Variants in CCDC8 observed in about 807,000 individuals in gnomAD.
CCDC8 encodes coiled-coil domain-containing protein 8.
CCDC8 carries 6 observed loss-of-function variants against 5.2 expected under a neutral mutation model. The observed-to-expected ratio is 1.16, with a 90% CI of 0.63 to 2.28. The LOEUF is 2.28. Among genes scored for constraint, CCDC8 ranks in the 30% most tolerant of loss-of-function variants. The pLI, the probability that CCDC8 is intolerant of heterozygous loss-of-function variation, is 0.00. For synonymous variants in CCDC8, 310 were observed against 286.5 expected (o/e 1.08, Z -0.83); for missense variants, 724 against 712.2 (o/e 1.02, Z -0.19).
rs912229744 is a variant in CCDC8, at chr19:46,411,938, G to A, written c.873C>T (p.Ile291=). The change falls in exon 1 of 1, where the codon ATC becomes ATT. Residue 291 remains isoleucine, a synonymous_variant. Coordinates refer to ENST00000307522, the MANE Select transcript of CCDC8 (RefSeq NM_032040.5). ...CAGCCTCTCCCCCCTGATCAGCCTC[G>A]ATGTCTGCCCCCTGACCTGTGGGTG... ...QTAPTGQGAD[I]EADQGGEAAD... 3 of 1,610,934 alleles carry A rather than the reference G, an allele frequency of 1.9e-6. No individual in the cohort carries two copies. The African/African-American group carries it at 4.0e-5, about 21-fold the overall frequency.
Position 46,413,437 on chromosome 19 carries a change from G to C in CCDC8, c.-627C>G, listed in dbSNP as rs978841256. ...CGGTCCAGTCGAAGCTATTCAATAT[G>C]GCCGAGGCGCTGGGAGGCCCCAGCC... On this transcript the variant is annotated 5_prime_UTR_variant, in exon 1 of 1. Transcript: ENST00000307522. 1 of 167,366 alleles carries C rather than the reference G, an allele frequency of 6.0e-6. No individual in the cohort carries two copies. Among genetic ancestry groups the C allele is most frequent in the African/African-American group, 2.4e-5 (1 of 41,420 alleles). The allele number at this position is 167,366 out of a possible 1,614,324, so 10.4% of individuals were successfully genotyped here. A position where few individuals can be genotyped will look rare whatever the true frequency, so the allele number is the denominator to read the frequency against.
chr19:46,412,449 G>A lies in CCDC8; in HGVS notation c.362C>T (p.Pro121Leu). Residue 121 changes from proline to leucine, a missense_variant, in exon 1 of 1, where the codon CCG becomes CTG. Coordinates refer to ENST00000307522, the MANE Select transcript of CCDC8 (RefSeq NM_032040.5). This position sits in a 1 kb window ranked among gnomAD's most constrained non-coding sequence, Gnocchi z 4.7. ...TTTGCGCACCTTCTTGCCCCGCCGC[G>A]GGCCCTGGCGGCTCTTGTCTCTGGA... is the stretch of plus-strand genomic sequence containing the variant. ...ETSRDKSRQG[P>L]RRGKKVRKMP... The A allele has an allele frequency of 1.9e-6, 3 of 1,611,514 alleles. No individual in the cohort carries two copies. In the South Asian group the frequency reaches 3.3e-5, roughly 18 times the overall value.
At position 46,412,476 on chromosome 19, in the gene CCDC8, G is replaced by A. The variant is rs751418638; in HGVS notation, c.335C>T (p.Thr112Ile). Reference protein sequence around the residue: ...ASDSEFSDFETSRDKSRQGPR... With the variant: ...ASDSEFSDFEISRDKSRQGPR... Reference sequence around the variant, plus strand: ...GCCCTGGCGGCTCTTGTCTCTGGAGGTCTCGAAGTCGCTGAACTCGCTGTC... The same window carrying A: ...GCCCTGGCGGCTCTTGTCTCTGGAGATCTCGAAGTCGCTGAACTCGCTGTC... Residue 112 changes from threonine (T) to isoleucine (I), a missense_variant, in exon 1 of 1, where the codon ACC (threonine) becomes ATC (isoleucine). Physicochemically the swap from Thr to Ile is moderately conservative, Grantham distance 89. Transcript: ENST00000307522. This position sits in a 1 kb window ranked among gnomAD's most constrained non-coding sequence, Gnocchi z 4.7. 1.2e-6 allele frequency: 2 copies of A among 1,609,444 alleles called. No homozygotes were observed. The highest frequency in any genetic ancestry group is 1.7e-6 in the Non-Finnish European group (2 of 1,179,966).
In CCDC8 at chr19:46,410,602, G is replaced by C. The variant is rs536884026; in HGVS notation, c.*592C>G. Reference sequence around the variant, plus strand: ...CGTCAGTTGTCAAGTCCAAAGCTAAGAAATCAGTTCATAAATGTTTTTTGA... The same window carrying C: ...CGTCAGTTGTCAAGTCCAAAGCTAACAAATCAGTTCATAAATGTTTTTTGA... On this transcript the variant is annotated 3_prime_UTR_variant, in exon 1 of 1. Transcript: ENST00000307522. The C allele has an allele frequency of 9.2e-5, 14 of 152,726 alleles. No individual in the cohort carries two copies. Among genetic ancestry groups the C allele is most frequent in the African/African-American group, 3.4e-4 (14 of 41,094 alleles). The allele number at this position is 152,726 out of a possible 1,614,324, so 9.5% of individuals were successfully genotyped here.
Position 46,411,260 on chromosome 19 carries a change from G to A in CCDC8, c.1551C>T (p.Asn517=), listed in dbSNP as rs1475407998. ...TGGCCTCGGCCCTCAGCACCCTGAGGTTCCTGGCCTCTCCTGCCCTGGGGA... is the reference window on the plus strand; with the variant it reads ...TGGCCTCGGCCCTCAGCACCCTGAGATTCCTGGCCTCTCCTGCCCTGGGGA... ...KRVPRAGEAR[N]LRVLRAEARA... The change falls in exon 1 of 1, where the codon AAC becomes AAT. Residue 517 remains asparagine, a synonymous_variant. Transcript: ENST00000307522. 4 of 1,614,132 alleles carry A rather than the reference G, an allele frequency of 2.5e-6. No individual in the cohort carries two copies. The highest frequency in any genetic ancestry group is 1.3e-5 in the African/African-American group (1 of 75,040).
chr19:46,412,289 G>T lies in CCDC8; in HGVS notation c.522C>A (p.Asn174Lys). 1 of 1,607,906 alleles carries T rather than the reference G, an allele frequency of 6.2e-7. No individual in the cohort carries two copies. The stretch of plus-strand genomic sequence containing the variant: ...TGTCCTCAAACATGGGCACTGGCAG[G>T]TTGACGCGGCGGCGGGCAGGCGGCG... ...PSAPPARRRV[N>K]LPVPMFEDNL... Residue 174 changes from asparagine (N) to lysine (K), a missense_variant, in exon 1 of 1, where the codon AAC (asparagine) becomes AAA (lysine). Physicochemically the swap from Asn to Lys is moderately conservative, Grantham distance 94 (BLOSUM62 0). Transcript: ENST00000307522. The surrounding 1 kb of genome is among the most constrained non-coding windows in gnomAD (Gnocchi z 4.7).
At position 46,412,665 on chromosome 19, in the gene CCDC8, C is replaced by A; in HGVS notation, c.146G>T (p.Gly49Val). 1 of 1,610,136 alleles carries A rather than the reference C, an allele frequency of 6.2e-7. No individual in the cohort carries two copies. Residue 49 changes from glycine (G) to valine (V), a missense_variant, in exon 1 of 1, where the codon GGC (glycine) becomes GTC (valine). Gly to Val is a moderately radical substitution (Grantham distance 109). Transcript: ENST00000307522. The surrounding 1 kb of genome is among the most constrained non-coding windows in gnomAD (Gnocchi z 4.7). ...GCGGGCCACGTCCTCCAGGGTGCGG[C>A]CCTCTTCTTCCAGGAACTGGGTCAG... ...ERLTQFLEEEGRTLEDVARIM... is the reference protein window; with the variant it reads ...ERLTQFLEEEVRTLEDVARIM...
rs1452891377 is a variant in CCDC8 at position 46,412,405 on chromosome 19, C to T, written c.406G>A (p.Gly136Ser). ...AGGTCGCTTCCCAGGAACTTGCTGC[C>T]CAGGTAGCTGACGGGCATTTTGCGC... is the stretch of plus-strand genomic sequence containing the variant. Reference protein sequence around the residue: ...KVRKMPVSYLGSKFLGSDLES... With the variant: ...KVRKMPVSYLSSKFLGSDLES... The change falls in exon 1 of 1, where the codon GGC becomes AGC. Residue 136 changes from glycine (G) to serine (S), a missense_variant. Coordinates refer to ENST00000307522, the MANE Select transcript of CCDC8 (RefSeq NM_032040.5). This position sits in a 1 kb window ranked among gnomAD's most constrained non-coding sequence, Gnocchi z 4.7. The T allele has an allele frequency of 1.9e-6, 3 of 1,613,596 alleles. No homozygotes were observed. The South Asian group carries it at 3.3e-5, about 18-fold the overall frequency.
rs759415223 is a variant in CCDC8, at chr19:46,411,572, A to T, written c.1239T>A (p.His413Gln). ...VTDNQREEAV[H>Q]DQRERAPAVQ... ...CAGCTGGGGCCCTTTCCCTCTGGTCATGTACGGCCTCTTCCCTTTGATTAT... is the reference window on the plus strand; with the variant it reads ...CAGCTGGGGCCCTTTCCCTCTGGTCTTGTACGGCCTCTTCCCTTTGATTAT... Residue 413 changes from histidine to glutamine, a missense_variant, in exon 1 of 1, where the codon CAT (histidine) becomes CAA (glutamine). Transcript: ENST00000307522. 1 of 1,612,304 alleles carries T rather than the reference A, an allele frequency of 6.2e-7. No individual in the cohort carries two copies. The highest frequency in any genetic ancestry group is 2.2e-5 in the East Asian group (1 of 44,486).
Position 46,411,218 on chromosome 19 carries a change from C to G in CCDC8, c.1593G>C (p.Gln531His), listed in dbSNP as rs1973222849. The G allele has an allele frequency of 6.2e-7, 1 of 1,614,188 alleles. No homozygotes were observed. Among genetic ancestry groups the G allele is most frequent in the Non-Finnish European group, 8.5e-7 (1 of 1,180,040 alleles). Residue 531 changes from glutamine to histidine, a missense_variant, in exon 1 of 1, where the codon CAG (glutamine) becomes CAC (histidine). Coordinates refer to ENST00000307522, the MANE Select transcript of CCDC8 (RefSeq NM_032040.5). ...LRAEARAEAE[Q>H]GEQEDQL Reference sequence around the variant, plus strand: ...CTCACAGCTGGTCTTCTTGCTCTCCCTGCTCAGCTTCTGCTCTGGCCTCGG... The same window carrying G: ...CTCACAGCTGGTCTTCTTGCTCTCCGTGCTCAGCTTCTGCTCTGGCCTCGG...
Position 46,412,644 on chromosome 19 carries a change from GCCACGTC to G in CCDC8, c.160_166del (p.Asp54ProfsTer23). Reference sequence around the variant, plus strand: ...CGGGGTGCTCTTCTCCATGATGCGGGCCACGTCCTCCAGGGTGCGGCCCTCTTCTTCC... The same window carrying G: ...CGGGGTGCTCTTCTCCATGATGCGGGCTCCAGGGTGCGGCCCTCTTCTTCC... On this transcript the variant is annotated frameshift_variant, in exon 1 of 1. Coordinates refer to ENST00000307522, the MANE Select transcript of CCDC8 (RefSeq NM_032040.5). LOFTEE classifies it low-confidence loss of function (END_TRUNC). This position sits in a 1 kb window ranked among gnomAD's most constrained non-coding sequence, Gnocchi z 4.7. The G allele has an allele frequency of 1.9e-6, 3 of 1,606,628 alleles. No individual in the cohort carries two copies. Among genetic ancestry groups the G allele is most frequent in the Non-Finnish European group, 2.5e-6 (3 of 1,177,870 alleles).
Position 46,412,581 on chromosome 19 carries a change from C to G in CCDC8, c.230G>C (p.Arg77Pro). The change falls in exon 1 of 1, where the codon CGA (arginine) becomes CCA (proline). Residue 77 changes from arginine to proline, a missense_variant. Transcript: ENST00000307522. The surrounding 1 kb of genome is among the most constrained non-coding windows in gnomAD (Gnocchi z 4.7). ...PQPPKKPKEP[R>P]VRRRVQQMVT... is the part of the protein sequence containing the mutation. ...CATCTGCTGCACTCTCCTCCTCACT[C>G]GGGGCTCCTTGGGCTTTTTGGGGGG... 1 of 1,577,484 alleles carries G rather than the reference C, an allele frequency of 6.3e-7. No individual in the cohort carries two copies.
chr19:46,410,997 G>A lies in CCDC8; in HGVS notation c.*197C>T. The A allele has an allele frequency of 1.6e-6, 1 of 639,934 alleles. No individual in the cohort carries two copies. The highest frequency in any genetic ancestry group is 2.6e-6 in the Non-Finnish European group (1 of 378,324). 39.6% of individuals were successfully genotyped at this position (639,934 alleles called of 1,614,324 possible). A position where few individuals can be genotyped will look rare whatever the true frequency, so the allele number is the denominator to read the frequency against. On this transcript the variant is annotated 3_prime_UTR_variant, in exon 1 of 1. Coordinates refer to ENST00000307522, the MANE Select transcript of CCDC8 (RefSeq NM_032040.5). ...TGATCATGCCACTGCACTCCAGCCT[G>A]GGCAACAGAGTGAGACCCTGTCTCT...
rs768054103 is a variant in CCDC8, at chr19:46,411,933, G to A, written c.878C>T (p.Ala293Val). Residue 293 changes from alanine to valine, a missense_variant, in exon 1 of 1, where the codon GCT (alanine) becomes GTT (valine). Transcript: ENST00000307522. ...ATCTGCAGCCTCTCCCCCCTGATCA[G>A]CCTCGATGTCTGCCCCCTGACCTGT... ...APTGQGADIE[A>V]DQGGEAADSQ... The A allele has an allele frequency of 8.1e-6, 13 of 1,611,416 alleles. No individual in the cohort carries two copies. The highest frequency in any genetic ancestry group is 1.0e-5 in the Non-Finnish European group (12 of 1,179,080).
chr19:46,412,417 C>T lies in CCDC8; in HGVS notation c.394G>A (p.Val132Ile), dbSNP rs1973245068. The T allele has an allele frequency of 2.5e-6, 4 of 1,613,254 alleles. No individual in the cohort carries two copies. The highest frequency in any genetic ancestry group is 2.5e-6 in the Non-Finnish European group (3 of 1,179,988). The change falls in exon 1 of 1, where the codon GTC becomes ATC. Residue 132 changes from valine (V) to isoleucine (I), a missense_variant. Physicochemically the swap from Val to Ile is conservative, Grantham distance 29 (BLOSUM62 3). Coordinates refer to ENST00000307522, the MANE Select transcript of CCDC8 (RefSeq NM_032040.5). The surrounding 1 kb of genome is among the most constrained non-coding windows in gnomAD (Gnocchi z 4.7). Reference sequence around the variant, plus strand: ...AGGAACTTGCTGCCCAGGTAGCTGACGGGCATTTTGCGCACCTTCTTGCCC... The same window carrying T: ...AGGAACTTGCTGCCCAGGTAGCTGATGGGCATTTTGCGCACCTTCTTGCCC... ...RRGKKVRKMP[V>I]SYLGSKFLGS...
Position 46,412,347 on chromosome 19 carries a change from G to T in CCDC8, c.464C>A (p.Ala155Asp). 6.2e-7 allele frequency: 1 copy of T among 1,613,356 alleles called. No homozygotes were observed. ...CTGCTTCTCCTGTCGCCGGAGGAAGGCCTCGACCAGTTCCTCATCATCCTC... is the reference window on the plus strand; with the variant it reads ...CTGCTTCTCCTGTCGCCGGAGGAAGTCCTCGACCAGTTCCTCATCATCCTC... ...ESEDDEELVEAFLRRQEKQPS... is the reference protein window; with the variant it reads ...ESEDDEELVEDFLRRQEKQPS... The change falls in exon 1 of 1, where the codon GCC becomes GAC. Residue 155 changes from alanine (A) to aspartate (D), a missense_variant. Physicochemically the swap from Ala to Asp is moderately radical, Grantham distance 126. Coordinates refer to ENST00000307522, the MANE Select transcript of CCDC8 (RefSeq NM_032040.5). The surrounding 1 kb of genome is among the most constrained non-coding windows in gnomAD (Gnocchi z 4.7).
In CCDC8 at chr19:46,411,887, T is replaced by G; in HGVS notation, c.924A>C (p.Ile308=). The change falls in exon 1 of 1, where the codon ATA becomes ATC. Residue 308 remains isoleucine (I), a synonymous_variant. Coordinates refer to ENST00000307522, the MANE Select transcript of CCDC8 (RefSeq NM_032040.5). ...CTGCAGCCCCTTCCCGCTGGTCAGCTATGGCCTCTTCCCTTTGACTATCTG... is the reference window on the plus strand; with the variant it reads ...CTGCAGCCCCTTCCCGCTGGTCAGCGATGGCCTCTTCCCTTTGACTATCTG... The part of the protein sequence containing the change: ...EAADSQREEA[I]ADQREGAAGN... The G allele has an allele frequency of 6.2e-7, 1 of 1,613,976 alleles. No homozygotes were observed. Among genetic ancestry groups the G allele is most frequent in the Non-Finnish European group, 8.5e-7 (1 of 1,179,898 alleles).
rs1973252762 is a variant in CCDC8 at position 46,412,898 on chromosome 19, C to T, written c.-88G>A. The T allele has an allele frequency of 6.6e-7, 1 of 1,522,694 alleles. No individual in the cohort carries two copies. The highest frequency in any genetic ancestry group is 9.0e-7 in the Non-Finnish European group (1 of 1,115,166). 94.3% of individuals were successfully genotyped at this position (1,522,694 alleles called of 1,614,324 possible). A position where few individuals can be genotyped will look rare whatever the true frequency, so the allele number is the denominator to read the frequency against. On this transcript the variant is annotated 5_prime_UTR_variant, in exon 1 of 1. The change creates a premature stop within an existing upstream ORF in the 5' untranslated region. Coordinates refer to ENST00000307522, the MANE Select transcript of CCDC8 (RefSeq NM_032040.5). This position sits in a 1 kb window ranked among gnomAD's most constrained non-coding sequence, Gnocchi z 4.7. Reference sequence around the variant, plus strand: ...GCTTTAGGGCTTCCACGAGGACGTCCAAATCCACATCTTTGCAGACATCGG... The same window carrying T: ...GCTTTAGGGCTTCCACGAGGACGTCTAAATCCACATCTTTGCAGACATCGG...
rs1352156057 is a variant in CCDC8, at chr19:46,412,697, C to T, written c.114G>A (p.Arg38=). ...CTTCCAGGAACTGGGTCAGCCGCTC[C>T]CGAAATTCTGCTTCCTTGGTGGCGG... is the stretch of plus-strand genomic sequence containing the variant. ...SKPATKEAEF[R]ERLTQFLEEE... Residue 38 remains arginine (R), a synonymous_variant, in exon 1 of 1, where the codon CGG becomes CGA. Coordinates refer to ENST00000307522, the MANE Select transcript of CCDC8 (RefSeq NM_032040.5). The surrounding 1 kb of genome is among the most constrained non-coding windows in gnomAD (Gnocchi z 4.7). 2 of 1,612,728 alleles carry T rather than the reference C, an allele frequency of 1.2e-6. No homozygotes were observed. The highest frequency in any genetic ancestry group is 1.7e-5 in the Admixed American group (1 of 60,006).
Sources: gnomAD v4.1 joint callset for allele counts on GRCh38, gnomAD v4.1.1 for gene constraint, Gnocchi (gnomAD v3.1) non-coding constraint, MANE v1.5 for transcripts, NCBI Gene and HGNC (gene_info 2026-07-23, HGNC 2026-07-21) for gene names.